Variants in FTO observed in about 807,000 individuals in gnomAD.
FTO encodes alpha-ketoglutarate-dependent dioxygenase FTO.
FTO carries 47 observed loss-of-function variants against 63.9 expected under a neutral mutation model. The ratio of observed to expected loss-of-function variants is 0.74; its 90% confidence interval spans 0.58 to 0.94. FTO has a LOEUF of 0.94. Ranked by LOEUF, FTO falls within the 40% of genes least tolerant of loss-of-function variation. The pLI is 0.00. For missense variants in FTO, 562 were observed against 618.1 expected (o/e 0.91, Z 0.96); for synonymous variants, 207 against 224.4 (o/e 0.92, Z 0.69).
At chr16:53,855,118 C>T (rs1307858681) in intron 4 of FTO, among the ~76,000 whole-genome samples, 1 of 151,828 alleles carries the variant, frequency 6.6e-6, no homozygotes, top group East Asian at 1.9e-4. Flanking sequence ...TGCAGTGCTA[C>T]TGATTTGTGT....
intron 7 of FTO, among the ~76,000 whole-genome samples, chr16:53,916,575 G>C (rs1175985212): frequency 6.6e-6 from 1 of 152,196 alleles, no homozygotes; most frequent in Non-Finnish European, 1.5e-5. Flanking sequence ...TTCCTAACCA[G>C]AGAGAAGCTA....
intron 8 of FTO, among the ~76,000 whole-genome samples, chr16:54,073,771 G>A (rs554431827): frequency 6.6e-6 from 1 of 151,988 alleles, no homozygotes; most frequent in South Asian, 2.1e-4. Flanking sequence ...TCTAATATGA[G>A]TATTTATAGA....
intron 8 of FTO, among the ~76,000 whole-genome samples, chr16:54,078,375 T>A (rs1445529976): frequency 2.0e-5 from 3 of 147,382 alleles, no homozygotes; most frequent in Admixed American, 6.8e-5. Flanking sequence ...AAATATATAT[T>A]AGTAAAATAA....
intron 8 of FTO, among the ~76,000 whole-genome samples, chr16:54,101,921 T>A (rs1272153195): frequency 2.0e-5 from 3 of 152,216 alleles, no homozygotes; most frequent in African/African-American, 7.2e-5. Flanking sequence ...TCAGGGCTAT[T>A]GAGCTTTCTT....
intron 7 of FTO, among the ~76,000 whole-genome samples, chr16:53,895,978 C>T (rs2081269704): frequency 6.6e-6 from 1 of 152,004 alleles, no homozygotes; most frequent in Non-Finnish European, 1.5e-5. Context: ...TGACAACCTT[C>T]GTTAAATATA....
intron 8 of FTO, among the ~76,000 whole-genome samples, chr16:54,021,077 A>G (rs1397111852): frequency 1.3e-5 from 2 of 152,328 alleles, no homozygotes; most frequent in East Asian, 1.9e-4. Flanking sequence ...AGCATGTAGT[A>G]TATGTGACAC....
In FTO at chr16:53,719,982, A is replaced by G. The variant is rs576644713; in HGVS notation, c.45+15753A>G. Among the ~76,000 whole-genome samples, 3 of 152,164 alleles carry G rather than the reference A, an allele frequency of 2.0e-5. No individual in the cohort carries two copies. In the South Asian group the frequency reaches 6.2e-4, roughly 32 times the overall value. ...CCAATGTCCGCAGAGTCTTGAACAC[A>G]ATAGGTACTGAACTAATGTTTCCTA... On this transcript the variant is annotated intron_variant, in intron 1 of 8. Transcript: ENST00000471389.
intron 8 of FTO, among the ~76,000 whole-genome samples, chr16:53,946,856 T>C (rs184482314): frequency 6.3e-4 from 96 of 152,342 alleles, no homozygotes; most frequent in African/African-American, 2.2e-3. Flanking sequence ...AGCATAGGTT[T>C]TGCTAAGGCA....
intron 8 of FTO, among the ~76,000 whole-genome samples, chr16:54,000,375 A>T (rs1330466649): frequency 6.6e-6 from 1 of 152,204 alleles, no homozygotes; most frequent in East Asian, 1.9e-4. Context: ...TGAGGGGGGA[A>T]ATCTTCTTGG....
intron 1 of FTO, among the ~76,000 whole-genome samples, chr16:53,739,743 G>A (rs2076487662): frequency 6.6e-6 from 1 of 151,746 alleles, no homozygotes; most frequent in East Asian, 1.9e-4. Context: ...TTTTTTGTCT[G>A]TGTTTTTTTT....
intron 8 of FTO, among the ~76,000 whole-genome samples, chr16:54,068,580 T>C (rs1396553608): frequency 6.6e-6 from 1 of 152,188 alleles, no homozygotes; most frequent in Non-Finnish European, 1.5e-5. Context: ...TTTACGATCC[T>C]AAACATTTGC....
At chr16:54,009,265 T>C (rs1386729780) in intron 8 of FTO, among the ~76,000 whole-genome samples, 2 of 152,122 alleles carry the variant, frequency 1.3e-5, no homozygotes, top group East Asian at 1.9e-4. Context: ...GCAGGAAATA[T>C]AGTAATAGAT....
chr16:53,907,996 G>A (rs963275171), intron 7 of FTO, among the ~76,000 whole-genome samples: 8 of 152,306 alleles, frequency 5.3e-5, no homozygotes, highest in South Asian at 2.1e-4. Flanking sequence ...TACCTGTTTC[G>A]TGAAGGTCCA....
At chr16:53,831,084 A>C (rs1283815804) in intron 3 of FTO, among the ~76,000 whole-genome samples, 1 of 152,138 alleles carries the variant, frequency 6.6e-6, no homozygotes, top group Non-Finnish European at 1.5e-5. Flanking sequence ...TAAGGATGGA[A>C]ATTTGTTCCC....
chr16:54,094,059 A>T (rs1208743063), intron 8 of FTO, among the ~76,000 whole-genome samples: 1 of 152,128 alleles, frequency 6.6e-6, no homozygotes, highest in East Asian at 1.9e-4. Flanking sequence ...TCACCCCCAG[A>T]CAGTGAAGGA....
At chr16:53,904,582 T>C (rs1028538538) in intron 7 of FTO, among the ~76,000 whole-genome samples, 4 of 152,140 alleles carry the variant, frequency 2.6e-5, no homozygotes, top group Non-Finnish European at 5.9e-5. Flanking sequence ...GGAACTGAGT[T>C]CCACACGGGA....
chr16:53,819,736 C>T (rs1000411976), intron 2 of FTO, among the ~76,000 whole-genome samples: 2 of 152,020 alleles, frequency 1.3e-5, no homozygotes, highest in African/African-American at 4.8e-5. Flanking sequence ...ATTTACATAC[C>T]ATAAAATGCA....
chr16:54,029,464 T>C (rs1311817939), intron 8 of FTO, among the ~76,000 whole-genome samples: 1 of 152,124 alleles, frequency 6.6e-6, no homozygotes, highest in East Asian at 1.9e-4. Context: ...GTTATTCTCC[T>C]ACTAAAGTTA....
At chr16:54,001,007 A>G (rs2084053031) in intron 8 of FTO, among the ~76,000 whole-genome samples, 1 of 152,156 alleles carries the variant, frequency 6.6e-6, no homozygotes, top group Non-Finnish European at 1.5e-5. Context: ...GGTTTAAACT[A>G]GATGAGCTCT....
Sources: gnomAD v4.1 joint callset for allele counts (sites outside exome capture counted in the v4.1 genomes callset) on GRCh38, gnomAD v4.1.1 for gene constraint, MANE v1.5 for transcripts, NCBI Gene and HGNC (gene_info 2026-07-23, HGNC 2026-07-21) for gene names.